WAC: variants seen among roughly 807,000 people sequenced by gnomAD.
WAC encodes the protein WW domain-containing adapter protein with coiled-coil.
WAC carries 11 observed loss-of-function variants against 79.6 expected under a neutral mutation model. The ratio of observed to expected loss-of-function variants is 0.14; its 90% CI spans 0.09 to 0.23. WAC has a LOEUF of 0.23. Among genes scored for constraint, WAC ranks in the 10% least tolerant of loss-of-function variants. The pLI is 1.00. For synonymous variants in WAC, 304 were observed against 276.9 expected (o/e 1.10, Z -0.97); for missense variants, 728 against 773.5 (o/e 0.94, Z 0.70).
intron 9 of WAC, chr10:28,611,513 A>G: frequency 7.3e-7 from 1 of 1,376,110 alleles, no homozygotes; most frequent in Non-Finnish European, 9.5e-7. Context: ...GATTAGGTTC[A>G]GGCCTAGCTT....
intron 7 of WAC, among the ~76,000 whole-genome samples, chr10:28,605,608 A>G (rs1327937754): frequency 6.6e-6 from 1 of 152,204 alleles, no homozygotes; most frequent in African/African-American, 2.4e-5. Context: ...TGGGGTAAAT[A>G]AACAGAAATT....
At chr10:28,559,013 G>T (rs1838151764) in intron 3 of WAC, among the ~76,000 whole-genome samples, 1 of 152,110 alleles carries the variant, frequency 6.6e-6, no homozygotes. Flanking sequence ...CTTTGGAGGT[G>T]GGTGTAATAT....
intron 3 of WAC, among the ~76,000 whole-genome samples, chr10:28,537,929 A>G (rs752743063): frequency 4.6e-5 from 7 of 152,090 alleles, no homozygotes; most frequent in Non-Finnish European, 1.0e-4. Context: ...GTTAGGCCCC[A>G]CTTTCCAATT....
chr10:28,577,155 T>C (rs2053753584), intron 3 of WAC, among the ~76,000 whole-genome samples: 2 of 152,200 alleles, frequency 1.3e-5, no homozygotes, highest in South Asian at 4.1e-4. Context: ...AGTTTCGCTT[T>C]TCACCACCAG....
chr10:28,559,135 G>GTGTGTGTGTGTGTGTGT (rs750941388), intron 3 of WAC, among the ~76,000 whole-genome samples: 1 of 64,728 alleles, frequency 1.5e-5, no homozygotes, highest in African/African-American at 7.5e-5. Context: ...CGAGAAACCT[G>GTGTGTGTGTGTGTGTGT]ATGTGTGTGT....
At chr10:28,594,959 A>G (rs1011745907) in intron 6 of WAC, among the ~76,000 whole-genome samples, 3 of 152,212 alleles carry the variant, frequency 2.0e-5, no homozygotes, top group African/African-American at 7.2e-5. Flanking sequence ...AACTGTTTTC[A>G]GTATTTCTGA....
intron 3 of WAC, chr10:28,538,377 T>A (rs1341991254): frequency 2.6e-5 from 6 of 230,436 alleles, no homozygotes; most frequent in South Asian, 3.8e-5. Flanking sequence ...AGGTCAGGAG[T>A]TTGAGACCAG....
chr10:28,536,321 T>G (rs1836671019), intron 3 of WAC, among the ~76,000 whole-genome samples: 1 of 152,148 alleles, frequency 6.6e-6, no homozygotes, highest in Non-Finnish European at 1.5e-5. Context: ...AAACATGCTT[T>G]CTTAAGGATG....
intron 3 of WAC, among the ~76,000 whole-genome samples, chr10:28,542,795 T>A (rs968205847): frequency 3.3e-5 from 5 of 152,234 alleles, no homozygotes; most frequent in African/African-American, 1.2e-4. Flanking sequence ...TACACATAAG[T>A]GGGAAATTTG....
chr10:28,589,255 T>G (rs1015474726), intron 4 of WAC: 9 of 152,338 alleles, frequency 5.9e-5, no homozygotes, highest in African/African-American at 2.2e-4. Flanking sequence ...GCTTTCTGTT[T>G]ATGTTTACAT....
chr10:28,582,975 A>G (rs1839617788), intron 3 of WAC, among the ~76,000 whole-genome samples: 1 of 152,192 alleles, frequency 6.6e-6, no homozygotes, highest in Non-Finnish European at 1.5e-5. Flanking sequence ...AACTGTTAAG[A>G]AATTGAAATA....
intron 3 of WAC, among the ~76,000 whole-genome samples, chr10:28,549,626 C>A (rs1430713197): frequency 6.6e-6 from 1 of 152,146 alleles, no homozygotes; most frequent in Admixed American, 6.5e-5. Flanking sequence ...AAATTAACTA[C>A]AAATTTAAAC....
intron 3 of WAC, among the ~76,000 whole-genome samples, chr10:28,570,728 G>A (rs1243912896): frequency 6.6e-6 from 1 of 152,098 alleles, no homozygotes; most frequent in Non-Finnish European, 1.5e-5. Flanking sequence ...GGATAATTGT[G>A]TGATAAGGAA....
intron 2 of WAC, 141 bp downstream of exon 2, chr10:28,534,175 A>G: frequency 1.2e-6 from 1 of 831,174 alleles, no homozygotes; most frequent in South Asian, 2.1e-5. Context: ...ATCCCCTTAA[A>G]ATTCCAGGTT....
intron 3 of WAC, among the ~76,000 whole-genome samples, chr10:28,566,392 C>CA: frequency 6.6e-6 from 1 of 152,208 alleles, no homozygotes; most frequent in Middle Eastern, 3.4e-3. Flanking sequence ...GGACACAAAA[C>CA]AAATTAAGTT....
intron 13 of WAC, 57 bp from the exon 14 acceptor site, chr10:28,619,480 G>T: frequency 6.1e-6 from 8 of 1,301,566 alleles, no homozygotes; most frequent in South Asian, 4.7e-5. Context: ...AAAAGCTCGG[G>T]TTTTCTGTAA....
At chr10:28,617,287 GGAGTA>G (rs1841514181) in intron 12 of WAC, among the ~76,000 whole-genome samples, 1 of 152,208 alleles carries the variant, frequency 6.6e-6, no homozygotes, top group African/African-American at 2.4e-5. Flanking sequence ...TTACGATAGA[GGAGTA>G]TAGTGAGGCT....
At position 28,597,120 on chromosome 10, in the gene WAC, C is replaced by G. The variant is rs1460060885; in HGVS notation, c.919+1079C>G. Among the ~76,000 whole-genome samples the G allele has an allele frequency of 3.9e-5, 6 of 152,032 alleles. No homozygotes were observed. The South Asian group carries it at 1.2e-3, about 32-fold the overall frequency. ...TGTTATTTGAATTTTCCTTGTTATT[C>G]AACCATATACTTTAGTATATATATC... On this transcript the variant is annotated intron_variant, in intron 7 of 13. Transcript: ENST00000354911.
In WAC at chr10:28,611,858, C is replaced by G. The variant is rs1436060117; in HGVS notation, c.1373C>G (p.Pro458Arg). 1 of 1,614,028 alleles carries G rather than the reference C, an allele frequency of 6.2e-7. No homozygotes were observed. The highest frequency in any genetic ancestry group is 1.3e-5 in the African/African-American group (1 of 74,920). The change falls in exon 10 of 14, where the codon CCT (proline) becomes CGT (arginine). Residue 458 changes from proline (P) to arginine (R), a missense_variant. Physicochemically the swap from Pro to Arg is moderately radical, Grantham distance 103. Around this residue, in one of 3 missense-constraint regions of WAC, gnomAD observed 648 missense variants for 661.5 expected, o/e 0.98. Coordinates refer to ENST00000354911, the MANE Select transcript of WAC (RefSeq NM_016628.5). ...RSYVSPRIST[P>R]QTNTVPIKPL... Reference sequence around the variant, plus strand: ...TATGTTTCTCCAAGAATAAGCACACCTCAAACTAACACAGTCCCTATCAAA... The same window carrying G: ...TATGTTTCTCCAAGAATAAGCACACGTCAAACTAACACAGTCCCTATCAAA...
Sources: allele counts gnomAD v4.1 joint callset (sites outside exome capture counted in the v4.1 genomes callset), GRCh38; gene constraint gnomAD v4.1.1; regional missense constraint gnomAD v4.1.1; transcripts MANE v1.5; gene names NCBI Gene and HGNC (gene_info 2026-07-23, HGNC 2026-07-21).